Variants in EHMT1 observed in about 807,000 individuals in gnomAD.
The protein encoded by EHMT1 is histone-lysine N-methyltransferase EHMT1.
Under a neutral mutation model 147.2 loss-of-function variants are expected in EHMT1, and 15 were observed. That is an observed-to-expected ratio of 0.10 (90% CI 0.07 to 0.16). The LOEUF (loss-of-function observed/expected upper bound fraction) is 0.16. Ranked by LOEUF, EHMT1 falls within the 10% of genes least tolerant of loss-of-function variation. The pLI is 1.00. For missense variants in EHMT1, 1,587 were observed against 1,772.4 expected (o/e 0.90, Z 1.88); for synonymous variants, 795 against 709.6 (o/e 1.12, Z -1.91).
chr9:137,710,750 A>G lies in EHMT1; in HGVS notation c.22-217A>G, dbSNP rs11791658. 0.27 allele frequency among the ~76,000 whole-genome samples: 40,948 copies of G among 152,092 alleles called. 6,722 individuals carry two copies. Among genetic ancestry groups the G allele is most frequent in the East Asian group, 0.82 (4,225 of 5,166 alleles). On this transcript the variant is annotated intron_variant, in intron 1 of 26. Coordinates refer to ENST00000460843, the MANE Select transcript of EHMT1 (RefSeq NM_024757.5). ...TCTTATTGTTAAGAAACTGTCTTCA[A>G]AAATAGAAATACAGGAGAAGTTTCC...
chr9:137,818,715 G>A (rs71485032), intron 25 of EHMT1, among the ~76,000 whole-genome samples: 5 of 20,642 alleles, frequency 2.4e-4, no homozygotes, highest in Admixed American at 8.3e-4. Context: ...GAGGGGCGCC[G>A]TGTACCGAGA....
intron 18 of EHMT1, among the ~76,000 whole-genome samples, chr9:137,808,874 G>C (rs1255720486): frequency 6.6e-6 from 1 of 152,144 alleles, no homozygotes; most frequent in East Asian, 1.9e-4. Context: ...AGTGAACCAA[G>C]ATCGTGCCAA....
chr9:137,834,243 T>G, intron 25 of EHMT1, 106 bp from the exon 26 acceptor site: 2 of 1,452,522 alleles, frequency 1.4e-6, no homozygotes, highest in Non-Finnish European at 1.9e-6. Flanking sequence ...ATGGCGGGCC[T>G]GCGCCCAACT....
chr9:137,631,181 A>G (rs1428739228), intron 1 of EHMT1, among the ~76,000 whole-genome samples: 1 of 152,056 alleles, frequency 6.6e-6, no homozygotes, highest in Non-Finnish European at 1.5e-5. Context: ...CTGACGTCAG[A>G]AGTTCAAGAG....
At chr9:137,662,584 C>T (rs1939194350) in intron 1 of EHMT1, among the ~76,000 whole-genome samples, 3 of 152,174 alleles carry the variant, frequency 2.0e-5, no homozygotes, top group Admixed American at 2.0e-4. Flanking sequence ...ACTGCAACCT[C>T]CGCCTCCCAG....
chr9:137,696,050 T>C (rs1344652618), intron 1 of EHMT1, among the ~76,000 whole-genome samples: 1 of 151,904 alleles, frequency 6.6e-6, no homozygotes, highest in Non-Finnish European at 1.5e-5. Context: ...TATTTTAAAA[T>C]CCCTTAAATG....
At position 137,787,960 on chromosome 9, in the gene EHMT1, C is replaced by T; in HGVS notation, c.2383-2888C>T. 1 of 1,494,494 alleles carries T rather than the reference C, an allele frequency of 6.7e-7. No homozygotes were observed. Among genetic ancestry groups the T allele is most frequent in the Non-Finnish European group, 9.3e-7 (1 of 1,077,922 alleles). 92.6% of individuals were successfully genotyped at this position (1,494,494 alleles called of 1,614,324 possible). A position where few individuals can be genotyped will look rare whatever the true frequency, so the allele number is the denominator to read the frequency against. On this transcript the variant is annotated intron_variant, in intron 15 of 26. Transcript: ENST00000460843. The surrounding 1 kb of genome is among the most constrained non-coding windows in gnomAD (Gnocchi z 4.2). The stretch of plus-strand genomic sequence containing the variant: ...CCCCAGAGGGAGGCCCTGTGTCCCC[C>T]ACTGGACAGCCCCCCAGGAACTGAG...
intron 1 of EHMT1, among the ~76,000 whole-genome samples, chr9:137,631,690 A>G (rs1287744829): frequency 6.6e-6 from 1 of 152,132 alleles, no homozygotes; most frequent in Non-Finnish European, 1.5e-5. Flanking sequence ...AGCCTGGACA[A>G]CATAATGAGA....
rs139206060 is a variant in EHMT1 at position 137,776,773 on chromosome 9, G to A, written c.1947G>A (p.Ser649=). Residue 649 remains serine, a synonymous_variant, in exon 12 of 27, where the codon TCG becomes TCA. Transcript: ENST00000460843. This position sits in a 1 kb window ranked among gnomAD's most constrained non-coding sequence, Gnocchi z 4.4. ...EVTIAKADTT[S]TVTPVPGQEK... ...CGATAGCTAAAGCAGACACCACCTC[G>A]ACCGTGACACCAGTCCCCGGGCAGG... 131 of 1,613,998 alleles carry A rather than the reference G, an allele frequency of 8.1e-5. No homozygotes were observed. The highest frequency in any genetic ancestry group is 7.9e-4 in the South Asian group (72 of 91,054).
chr9:137,719,402 T>C (rs1945706879), intron 3 of EHMT1, among the ~76,000 whole-genome samples: 1 of 152,096 alleles, frequency 6.6e-6, no homozygotes, highest in Non-Finnish European at 1.5e-5. Flanking sequence ...GCCGGACTGC[T>C]GGCTCCTCAG....
intron 1 of EHMT1, among the ~76,000 whole-genome samples, chr9:137,707,613 GAC>G (rs764879838): frequency 2.4e-4 from 36 of 152,250 alleles, no homozygotes; most frequent in Admixed American, 3.9e-4. Flanking sequence ...AGTTGAATTG[GAC>G]ACACAGCAGA....
At position 137,763,153 on chromosome 9, in the gene EHMT1, A is replaced by T. The variant is rs574409336; in HGVS notation, c.1647+333A>T. The T allele has an allele frequency of 9.7e-6, 5 of 517,412 alleles. No individual in the cohort carries two copies. In the Admixed American group the frequency reaches 1.6e-4, roughly 17 times the overall value. The allele number at this position is 517,412 out of a possible 1,614,324, so 32.1% of individuals were successfully genotyped here. A position where few individuals can be genotyped will look rare whatever the true frequency, so the allele number is the denominator to read the frequency against. ...GTGAGTAGATTGAGGCAGGATAGTC[A>T]CACCAAGGTGAGTCCAGAACTGCCC... On this transcript the variant is annotated intron_variant, in intron 10 of 26. Coordinates refer to ENST00000460843, the MANE Select transcript of EHMT1 (RefSeq NM_024757.5).
At chr9:137,801,359 T>C (rs954005371) in intron 18 of EHMT1, among the ~76,000 whole-genome samples, 6 of 152,224 alleles carry the variant, frequency 3.9e-5, no homozygotes, top group African/African-American at 1.2e-4. Flanking sequence ...TCTCGCTCTG[T>C]CGCCCAGGCT....
At chr9:137,676,462 T>G (rs1435885902) in intron 1 of EHMT1, 3 of 152,446 alleles carry the variant, frequency 2.0e-5, no homozygotes, top group Non-Finnish European at 4.4e-5. Flanking sequence ...GCCTCCCGGG[T>G]TCAGGTGATC....
chr9:137,769,848 AT>A (rs1401185942), intron 10 of EHMT1, among the ~76,000 whole-genome samples: 4 of 149,668 alleles, frequency 2.7e-5, no homozygotes, highest in Non-Finnish European at 4.4e-5. Context: ...TTCCTTTTCC[AT>A]TTTTTGAGAC....
intron 3 of EHMT1, among the ~76,000 whole-genome samples, chr9:137,724,387 G>C (rs565458044): frequency 4.7e-4 from 72 of 152,322 alleles, no homozygotes; most frequent in African/African-American, 1.6e-3. Context: ...TGTGGAGATG[G>C]GATGGGCCGG....
intron 1 of EHMT1, among the ~76,000 whole-genome samples, chr9:137,667,702 A>G (rs1265784345): frequency 2.0e-5 from 3 of 152,214 alleles, no homozygotes; most frequent in Non-Finnish European, 4.4e-5. Context: ...GGAAAAGTTC[A>G]TGTAAAGTAG....
intron 8 of EHMT1, among the ~76,000 whole-genome samples, chr9:137,755,247 C>T (rs1248361987): frequency 1.3e-5 from 2 of 152,202 alleles, no homozygotes; most frequent in Non-Finnish European, 2.9e-5. Flanking sequence ...CCCTTCCCTG[C>T]CTCCCTTCCC....
At chr9:137,751,002 CAG>C (rs1278942980) in intron 6 of EHMT1, among the ~76,000 whole-genome samples, 3 of 152,218 alleles carry the variant, frequency 2.0e-5, no homozygotes, top group African/African-American at 7.2e-5. Context: ...TAGAGTCTGA[CAG>C]TGGTGCTTGC....
Sources: gnomAD v4.1 joint callset for allele counts (sites outside exome capture counted in the v4.1 genomes callset) on GRCh38, gnomAD v4.1.1 for gene constraint, Gnocchi (gnomAD v3.1) non-coding constraint, MANE v1.5 for transcripts, NCBI Gene and HGNC (gene_info 2026-07-23, HGNC 2026-07-21) for gene names.